PCED1A: variants seen among roughly 807,000 people sequenced by gnomAD.
PCED1A encodes PC-esterase domain containing 1A.
Under a neutral mutation model 41.9 loss-of-function variants are expected in PCED1A, and 20 were observed. The ratio of observed to expected loss-of-function variants is 0.48; its 90% CI spans 0.34 to 0.69. The LOEUF (loss-of-function observed/expected upper bound fraction) is 0.69, where lower values mean the gene tolerates loss of function less well. Ranked by LOEUF, PCED1A falls within the 30% of genes least tolerant of loss-of-function variation. The probability of loss-of-function intolerance (pLI) is 0.01; values close to 1 mark genes in which losing one functional copy is unlikely to be tolerated. For synonymous variants in PCED1A, 236 were observed against 241.3 expected (o/e 0.98, Z 0.20); for missense variants, 498 against 602.1 (o/e 0.83, Z 1.81).
In PCED1A at chr20:2,840,649, C is replaced by T; in HGVS notation, c.-460G>A. 2.8e-6 allele frequency: 3 copies of T among 1,065,396 alleles called. No individual in the cohort carries two copies. The highest frequency in any genetic ancestry group is 4.2e-6 in the Non-Finnish European group (3 of 711,762). 66.0% of individuals were successfully genotyped at this position (1,065,396 alleles called of 1,614,324 possible). ...GGCGGCAGCCAAGTGAGGCTGCCCA[C>T]AGTGGTGATGGCCGCGGCGGCGGCC... On this transcript the variant is annotated 5_prime_UTR_variant, in exon 1 of 8. In the 5' UTR this introduces an upstream ATG that the reference lacks. Transcript: ENST00000360652.
Position 2,836,122 on chromosome 20 carries a change from G to T in PCED1A, c.1034C>A (p.Pro345His), listed in dbSNP as rs990293435. 6.3e-7 allele frequency: 1 copy of T among 1,583,808 alleles called. No individual in the cohort carries two copies. Among genetic ancestry groups the T allele is most frequent in the African/African-American group, 1.3e-5 (1 of 74,118 alleles). ...PLFPPLPQDT[P>H]FFPGQPFPPH... ...TGGGAAGGGCTGGCCTGGGAAAAAAGGGGTATCCTGGGGCAGGGGTGGGAA... is the reference window on the plus strand; with the variant it reads ...TGGGAAGGGCTGGCCTGGGAAAAAATGGGTATCCTGGGGCAGGGGTGGGAA... The change falls in exon 7 of 8, where the codon CCT becomes CAT. Residue 345 changes from proline (P) to histidine (H), a missense_variant. Physicochemically the swap from Pro to His is moderately conservative, Grantham distance 77 (BLOSUM62 -2). This residue lies in a region of PCED1A where 245 missense variants were observed against 232.4 expected (regional missense o/e 1.05). Coordinates refer to ENST00000360652, the MANE Select transcript of PCED1A (RefSeq NM_022760.6).
chr20:2,835,823 A>C, intron 7 of PCED1A, 114 bp from the exon 8 acceptor site: 2 of 1,489,776 alleles, frequency 1.3e-6, no homozygotes, highest in South Asian at 2.8e-5. Flanking sequence ...ATCTACAAAA[A>C]AGGGATAGTC....
rs1484368663 is a variant in PCED1A, at chr20:2,838,810, C to T, written c.443+34G>A. 6.8e-6 allele frequency: 11 copies of T among 1,614,082 alleles called. No individual in the cohort carries two copies. The highest frequency in any genetic ancestry group is 5.0e-5 in the Admixed American group (3 of 60,012). ...TGGACTGCCTCAGCCGTACTTCCAG[C>T]CCCAACCAGTATTCCCCTTTCCCTC... On this transcript the variant is annotated intron_variant, in intron 4 of 7. Transcript: ENST00000360652. This position sits in a 1 kb window ranked among gnomAD's most constrained non-coding sequence, Gnocchi z 5.8.
rs118136838 is a variant in PCED1A, at chr20:2,835,430, T to C, written c.*32A>G. 4,447 of 1,578,680 alleles carry C rather than the reference T, an allele frequency of 2.8e-3. 46 individuals carry two copies. The highest frequency in any genetic ancestry group is 0.023 in the South Asian group (2,001 of 86,146). On this transcript the variant is annotated 3_prime_UTR_variant, in exon 8 of 8. Transcript: ENST00000360652. ...GTGCCAGGCAGGCCCTGAAGGGCCA[T>C]TGGCACATCCAGTCCCAGCCCAAGA...
rs778914220 is a variant in PCED1A, at chr20:2,839,033, CCCAGCTGGCCCCCAGCCA to C, written c.236_253del (p.Val79_Leu84del). 1.4e-5 allele frequency: 22 copies of C among 1,613,558 alleles called. No individual in the cohort carries two copies. Among genetic ancestry groups the C allele is most frequent in the African/African-American group, 1.3e-5 (1 of 74,908 alleles). On this transcript the variant is annotated inframe_deletion, in exon 4 of 8. Transcript: ENST00000360652. ...ATACTGTGTCCCGTTGTGCAGCTCG[CCCAGCTGGCCCCCAGCCA>C]CCAGCTGGTCCTGTTCAAAGCTCAG...
intron 6 of PCED1A, among the ~76,000 whole-genome samples, chr20:2,836,661 A>T (rs938041814): frequency 6.6e-6 from 1 of 152,062 alleles, no homozygotes; most frequent in African/African-American, 2.4e-5. Context: ...CTTCCCCAAC[A>T]ACTTCCTTTT....
Position 2,840,612 on chromosome 20 carries a change from C to T in PCED1A, c.-423G>A, listed in dbSNP as rs530498520. 1.1e-4 allele frequency: 82 copies of T among 755,458 alleles called. No individual in the cohort carries two copies. Among genetic ancestry groups the T allele is most frequent in the Middle Eastern group, 3.8e-4 (1 of 2,656 alleles). 46.8% of individuals were successfully genotyped at this position (755,458 alleles called of 1,614,324 possible). On this transcript the variant is annotated 5_prime_UTR_variant, in exon 1 of 8. Transcript: ENST00000360652. ...GGCGGGCGCGAAGCCCAGGTACGGG[C>T]TGGGGTCTCGGGGCGGCAGCCAAGT...
chr20:2,836,048 G>A lies in PCED1A; in HGVS notation c.1108C>T (p.Pro370Ser). The change falls in exon 7 of 8, where the codon CCC (proline) becomes TCC (serine). Residue 370 changes from proline to serine, a missense_variant. Coordinates refer to ENST00000360652, the MANE Select transcript of PCED1A (RefSeq NM_022760.6). ...CTGCAGAAGCACCTACCTAAGTGGG[G>A]TGGCATCGAGAAGTCCTCCACTGGA... ...YNPVEDFSMP[P>S]HLGCGPGVNF... 1.3e-6 allele frequency: 2 copies of A among 1,484,490 alleles called. No homozygotes were observed. Among genetic ancestry groups the A allele is most frequent in the Non-Finnish European group, 1.8e-6 (2 of 1,114,990 alleles). The allele number at this position is 1,484,490 out of a possible 1,614,324, so 92.0% of individuals were successfully genotyped here.
In PCED1A at chr20:2,838,699, A is replaced by G. The variant is rs760832333; in HGVS notation, c.491T>C (p.Val164Ala). The G allele has an allele frequency of 1.2e-6, 2 of 1,613,952 alleles. No homozygotes were observed. The highest frequency in any genetic ancestry group is 1.7e-6 in the Non-Finnish European group (2 of 1,180,014). The change falls in exon 5 of 8, where the codon GTG becomes GCG. Residue 164 changes from valine to alanine, a missense_variant. Val to Ala is a moderately conservative substitution (Grantham distance 64, BLOSUM62 0). Transcript: ENST00000360652. The surrounding 1 kb of genome is among the most constrained non-coding windows in gnomAD (Gnocchi z 5.8). ...CAATACTTGGTCCATGCGCACAAAC[A>G]CCCGCTCCAGGTTCTCCCGGTAGCT... ...MESYRENLER[V>A]FVRMDQVLPD...
Position 2,840,215 on chromosome 20 carries a change from TC to T in PCED1A, c.-27del. On this transcript the variant is annotated 5_prime_UTR_variant, in exon 1 of 8. Transcript: ENST00000360652. ...GCACCCGCTCGCGCCAATTACCAAG[TC>T]CCGGGGCTCCGCGGTGTTCACCCGC... The T allele has an allele frequency of 3.6e-6, 1 of 276,634 alleles. No homozygotes were observed. Among genetic ancestry groups the T allele is most frequent in the Non-Finnish European group, 6.7e-6 (1 of 148,890 alleles). The allele number at this position is 276,634 out of a possible 1,614,324, so 17.1% of individuals were successfully genotyped here.
In PCED1A at chr20:2,838,522, G is replaced by A; in HGVS notation, c.595-44C>T. 7.4e-6 allele frequency: 12 copies of A among 1,613,996 alleles called. No individual in the cohort carries two copies. Among genetic ancestry groups the A allele is most frequent in the Non-Finnish European group, 1.0e-5 (12 of 1,179,848 alleles). On this transcript the variant is annotated intron_variant, in intron 5 of 7. Transcript: ENST00000360652. This position sits in a 1 kb window ranked among gnomAD's most constrained non-coding sequence, Gnocchi z 5.8. ...CCTCTAAGAGCCACAGAACGCAGCAGGGTCTGAAAGCAGGGTGTCCTATCT... is the reference window on the plus strand; with the variant it reads ...CCTCTAAGAGCCACAGAACGCAGCAAGGTCTGAAAGCAGGGTGTCCTATCT...
At chr20:2,840,867 C>G, upstream of PCED1A, 1 of 1,534,934 alleles carries the variant, frequency 6.5e-7, no homozygotes, top group Non-Finnish European at 8.8e-7. Flanking sequence ...CTGGCTTACC[C>G]TGCTCGCCCG....
Position 2,839,406 on chromosome 20 carries a change from G to A in PCED1A, c.125-135C>T, listed in dbSNP as rs117537334. ...TGGTTGACTTAGACGCAGGAGAAAA[G>A]ATGAGGTTAAAAAGTCCTGGCATTG... is the stretch of plus-strand genomic sequence containing the variant. On this transcript the variant is annotated intron_variant, in intron 2 of 7. Coordinates refer to ENST00000360652, the MANE Select transcript of PCED1A (RefSeq NM_022760.6). 835 of 820,194 alleles carry A rather than the reference G, an allele frequency of 1.0e-3. 4 individuals are homozygous for A. The East Asian group carries it at 0.012, about 11-fold the overall frequency. The allele number at this position is 820,194 out of a possible 1,614,324, so 50.8% of individuals were successfully genotyped here.
chr20:2,839,084 T>TGGGCC lies in PCED1A; in HGVS notation c.205-3_205-2insGGCCC. On this transcript the variant is annotated splice_region_variant and splice_polypyrimidine_tract_variant and intron_variant, in intron 3 of 7. Coordinates refer to ENST00000360652, the MANE Select transcript of PCED1A (RefSeq NM_022760.6). ...GTCCTGTTCAAAGCTCAGCTCCCCC[T>TGGGCC]ACCCACCCCCCCCACCCTACTGGTC... 3 of 725,144 alleles carry TGGGCC rather than the reference T, an allele frequency of 4.1e-6. No individual in the cohort carries two copies. The highest frequency in any genetic ancestry group is 5.7e-6 in the Non-Finnish European group (3 of 522,136). 44.9% of individuals were successfully genotyped at this position (725,144 alleles called of 1,614,324 possible).
chr20:2,838,164 C>T lies in PCED1A; in HGVS notation c.841+68G>A. On this transcript the variant is annotated intron_variant, in intron 6 of 7. Transcript: ENST00000360652. This position sits in a 1 kb window ranked among gnomAD's most constrained non-coding sequence, Gnocchi z 5.8. ...TTCCCTTGAGTGGCTGTGTCCCATT[C>T]TGTTTCTGAGCCCTGTCCTCTGAGG... 2 of 1,606,438 alleles carry T rather than the reference C, an allele frequency of 1.2e-6. No individual in the cohort carries two copies. The highest frequency in any genetic ancestry group is 1.1e-5 in the South Asian group (1 of 90,274).
Position 2,838,524 on chromosome 20 carries a change from G to T in PCED1A, c.595-46C>A. On this transcript the variant is annotated intron_variant, in intron 5 of 7. Transcript: ENST00000360652. The surrounding 1 kb of genome is among the most constrained non-coding windows in gnomAD (Gnocchi z 5.8). ...TCTAAGAGCCACAGAACGCAGCAGGGTCTGAAAGCAGGGTGTCCTATCTAC... is the reference window on the plus strand; with the variant it reads ...TCTAAGAGCCACAGAACGCAGCAGGTTCTGAAAGCAGGGTGTCCTATCTAC... The T allele has an allele frequency of 6.2e-7, 1 of 1,613,934 alleles. No individual in the cohort carries two copies. The highest frequency in any genetic ancestry group is 8.5e-7 in the Non-Finnish European group (1 of 1,179,836).
chr20:2,836,072 G>C lies in PCED1A; in HGVS notation c.1084C>G (p.Pro362Ala), dbSNP rs1287713815. 2 of 1,392,596 alleles carry C rather than the reference G, an allele frequency of 1.4e-6. No homozygotes were observed. The highest frequency in any genetic ancestry group is 2.4e-5 in the Admixed American group (1 of 41,200). 86.3% of individuals were successfully genotyped at this position (1,392,596 alleles called of 1,614,324 possible). Residue 362 changes from proline to alanine, a missense_variant, in exon 7 of 8, where the codon CCA becomes GCA. This residue lies in a region of PCED1A where 245 missense variants were observed against 232.4 expected (regional missense o/e 1.05). Transcript: ENST00000360652. The part of the protein sequence containing the change: ...FPPHEFFNYN[P>A]VEDFSMPPHL... ...GGTGGCATCGAGAAGTCCTCCACTG[G>C]ATTATAGTTGAAGAATTCATGGGGT...
rs1477781085 is a variant in PCED1A, at chr20:2,836,300, C to T, written c.856G>A (p.Asp286Asn). 1.9e-6 allele frequency: 3 copies of T among 1,614,100 alleles called. No homozygotes were observed. In the South Asian group the frequency reaches 3.3e-5, roughly 18 times the overall value. ...RGYPPDPWIE[D>N]WAEMNHPFQG... ...AATGGATGATTCATCTCTGCCCAGTCCTCAATCCACGGGTCTAGGAATGGG... is the reference window on the plus strand; with the variant it reads ...AATGGATGATTCATCTCTGCCCAGTTCTCAATCCACGGGTCTAGGAATGGG... Residue 286 changes from aspartate (D) to asparagine (N), a missense_variant, in exon 7 of 8, where the codon GAC becomes AAC. Asp to Asn is a conservative substitution (Grantham distance 23, BLOSUM62 1). This residue lies in a region of PCED1A where 245 missense variants were observed against 232.4 expected (regional missense o/e 1.05). Transcript: ENST00000360652.
chr20:2,840,960 G>A (rs545825550), upstream of PCED1A: 104 of 839,524 alleles, frequency 1.2e-4, no homozygotes, highest in African/African-American at 1.7e-3. Context: ...CCGAGCGTCT[G>A]CCACTTAGCG....
Sources: gnomAD v4.1 joint callset for allele counts (sites outside exome capture counted in the v4.1 genomes callset) on GRCh38, gnomAD v4.1.1 for gene constraint, gnomAD v4.1.1 regional missense constraint, Gnocchi (gnomAD v3.1) non-coding constraint, MANE v1.5 for transcripts, NCBI Gene and HGNC (gene_info 2026-07-23, HGNC 2026-07-21) for gene names.